SNX19: variants seen among roughly 807,000 people sequenced by gnomAD.
SNX19 encodes sorting nexin-19.
In SNX19, 60 loss-of-function variants were observed where a neutral mutation model predicts 85.2. That is an observed-to-expected ratio of 0.70 (90% CI 0.57 to 0.87). SNX19 has a LOEUF of 0.87. Ranked by LOEUF, SNX19 falls within the 40% of genes least tolerant of loss-of-function variation. The probability of loss-of-function intolerance (pLI) is 0.00; values close to 1 mark genes in which losing one functional copy is unlikely to be tolerated. For missense variants in SNX19, 1,201 were observed against 1,217.8 expected, an observed-to-expected ratio of 0.99 and a Z score of 0.21; for synonymous variants, 520 against 470.0, an observed-to-expected ratio of 1.11 and a Z score of -1.38.
intron 8 of SNX19, among the ~76,000 whole-genome samples, chr11:130,899,436 A>G (rs1034546005): frequency 2.0e-5 from 3 of 152,204 alleles, no homozygotes; most frequent in African/African-American, 7.2e-5. Context: ...CTGTGAAACC[A>G]GCTATAAGGT....
intron 4 of SNX19, among the ~76,000 whole-genome samples, chr11:130,909,355 G>A (rs1030426407): frequency 6.6e-6 from 1 of 152,192 alleles, no homozygotes; most frequent in African/African-American, 2.4e-5. Context: ...GATGAGAAGA[G>A]GGAGGCTACT....
intron 8 of SNX19, among the ~76,000 whole-genome samples, chr11:130,890,923 G>C (rs907893840): frequency 1.5e-5 from 2 of 135,234 alleles, no homozygotes; most frequent in African/African-American, 5.5e-5. Context: ...ATCACTTAAC[G>C]AAGTGCCTAC....
chr11:130,915,508 T>C lies in SNX19; in HGVS notation c.432A>G (p.Arg144=). 1 of 1,614,192 alleles carries C rather than the reference T, an allele frequency of 6.2e-7. No individual in the cohort carries two copies. Among genetic ancestry groups the C allele is most frequent in the Non-Finnish European group, 8.5e-7 (1 of 1,180,034 alleles). Residue 144 remains arginine, a synonymous_variant, in exon 1 of 11, where the codon AGA becomes AGG. Transcript: ENST00000265909. ...AMKGLVQELR[R]RMSVMDSHAV... ...CATGACTGTCCATCACGCTCATCCT[T>C]CTCCGAAGCTCCTGGACCAACCCTT... is the stretch of plus-strand genomic sequence containing the variant.
In SNX19 at chr11:130,911,653, T is replaced by C. The variant is rs1274382733; in HGVS notation, c.1793A>G (p.Asp598Gly). The change falls in exon 2 of 11, where the codon GAT becomes GGT. Residue 598 changes from aspartate to glycine, a missense_variant. Physicochemically the swap from Asp to Gly is moderately conservative, Grantham distance 94. This residue lies in a region of SNX19 where 791 missense variants were observed against 750.9 expected (regional missense o/e 1.05). Transcript: ENST00000265909. ...NLQTRLEEKP[D>G]LRKFIKNVKG... ...CTGACTTTTGATGAACTTTCGTAGA[T>C]CTGGTTTCTCCTCCAGACGGGTCTG... 2.5e-6 allele frequency: 4 copies of C among 1,614,150 alleles called. No homozygotes were observed. The highest frequency in any genetic ancestry group is 3.4e-6 in the Non-Finnish European group (4 of 1,180,016).
chr11:130,911,518 C>G, intron 2 of SNX19, 115 bp downstream of exon 2: 6 of 1,547,278 alleles, frequency 3.9e-6, no homozygotes, highest in Non-Finnish European at 5.2e-6. Flanking sequence ...ATCCAGGGAG[C>G]AGAGAACCTT....
intron 8 of SNX19, among the ~76,000 whole-genome samples, chr11:130,892,343 T>A (rs1653184703): frequency 6.6e-6 from 1 of 151,970 alleles, no homozygotes. Flanking sequence ...TTGAACAAAC[T>A]CTCTGAGCTC....
At chr11:130,880,915 AC>A in intron 8 of SNX19, 109 bp from the exon 9 acceptor site, 3 of 930,488 alleles carry the variant, frequency 3.2e-6, no homozygotes, top group Non-Finnish European at 4.7e-6. Flanking sequence ...CAAAATCCTA[AC>A]CCTCAAGGTG....
At chr11:130,908,794 G>C (rs1223409405) in intron 4 of SNX19, among the ~76,000 whole-genome samples, 2 of 152,168 alleles carry the variant, frequency 1.3e-5, no homozygotes, top group African/African-American at 2.4e-5. Flanking sequence ...TGCTAAAAAG[G>C]ACAATGTACA....
chr11:130,906,508 T>C (rs1252460789), intron 6 of SNX19, 117 bp downstream of exon 6: 2 of 759,522 alleles, frequency 2.6e-6, no homozygotes, highest in Non-Finnish European at 4.5e-6. Flanking sequence ...GATCCAAACG[T>C]TGATTAAGTC....
chr11:130,910,248 G>T (rs1400568706), intron 3 of SNX19, 22 bp downstream of exon 3: 1 of 1,612,892 alleles, frequency 6.2e-7, no homozygotes, highest in South Asian at 1.1e-5. Flanking sequence ...TGAGAACAAG[G>T]CCAAAAGAGA....
Position 130,916,018 on chromosome 11 carries a change from T to C in SNX19, c.-79A>G, listed in dbSNP as rs1236748019. ...AGAGTTAGGGAAGGGGGGCATGAAC[T>C]GTGTCTCAGATATGGGGCGATCTGG... is the stretch of plus-strand genomic sequence containing the variant. On this transcript the variant is annotated 5_prime_UTR_variant, in exon 1 of 11. Transcript: ENST00000265909. 20 of 1,329,878 alleles carry C rather than the reference T, an allele frequency of 1.5e-5. No homozygotes were observed. Among genetic ancestry groups the C allele is most frequent in the Non-Finnish European group, 1.8e-5 (17 of 962,668 alleles). 82.4% of individuals were successfully genotyped at this position (1,329,878 alleles called of 1,614,324 possible). A position where few individuals can be genotyped will look rare whatever the true frequency, so the allele number is the denominator to read the frequency against.
At chr11:130,895,114 G>T (rs1018573682) in intron 8 of SNX19, 1 of 985,396 alleles carries the variant, frequency 1.0e-6, no homozygotes, top group Admixed American at 6.1e-5. Context: ...GGCTCGGTGG[G>T]GCTTCATACT....
At position 130,915,967 on chromosome 11, in the gene SNX19, G is replaced by A. The variant is rs1946560809; in HGVS notation, c.-28C>T. 1.3e-6 allele frequency: 2 copies of A among 1,589,690 alleles called. No individual in the cohort carries two copies. Among genetic ancestry groups the A allele is most frequent in the African/African-American group, 1.3e-5 (1 of 74,358 alleles). ...CTGAACGGACAAGGTGGCTTCCCCAGATGACAGCCCTCAAGATTTTACTTC... is the reference window on the plus strand; with the variant it reads ...CTGAACGGACAAGGTGGCTTCCCCAAATGACAGCCCTCAAGATTTTACTTC... On this transcript the variant is annotated 5_prime_UTR_variant, in exon 1 of 11. Coordinates refer to ENST00000265909, the MANE Select transcript of SNX19 (RefSeq NM_014758.3).
At chr11:130,880,068 G>C (rs1368579686) in intron 9 of SNX19, among the ~76,000 whole-genome samples, 2 of 152,166 alleles carry the variant, frequency 1.3e-5, no homozygotes, top group African/African-American at 2.4e-5. Flanking sequence ...GGTTATCACA[G>C]CCATAGGCAA....
chr11:130,881,974 T>C (rs995079902), intron 8 of SNX19, among the ~76,000 whole-genome samples: 1 of 152,234 alleles, frequency 6.6e-6, no homozygotes, highest in East Asian at 1.9e-4. Flanking sequence ...CTGATAACTG[T>C]TCTTATTTCA....
intron 8 of SNX19, among the ~76,000 whole-genome samples, chr11:130,895,556 G>A (rs564024798): frequency 6.6e-6 from 1 of 152,254 alleles, no homozygotes; most frequent in South Asian, 2.1e-4. Flanking sequence ...CAAAATCTTA[G>A]GTTCCTGTTT....
At position 130,906,040 on chromosome 11, in the gene SNX19, C is replaced by CT; in HGVS notation, c.2355dup (p.Asp786ArgfsTer3). ...CGTCCTTTGGGAGGTTGTTCAGGATCTTTTTCTGGGGCTTTTGTTGGCTGC... is the reference window on the plus strand; with the variant it reads ...CGTCCTTTGGGAGGTTGTTCAGGATCTTTTTTCTGGGGCTTTTGTTGGCTGC... On this transcript the variant is annotated frameshift_variant, in exon 7 of 11. Transcript: ENST00000265909. LOFTEE classifies it high-confidence loss of function. The CT allele has an allele frequency of 6.2e-7, 1 of 1,614,200 alleles. No individual in the cohort carries two copies.
chr11:130,910,281 A>G lies in SNX19; in HGVS notation c.1903T>C (p.Ser635Pro). The G allele has an allele frequency of 1.2e-6, 2 of 1,613,542 alleles. No individual in the cohort carries two copies. Among genetic ancestry groups the G allele is most frequent in the South Asian group, 1.1e-5 (1 of 90,980 alleles). ...AGAAGGATGCTGACCTTTAGGAATGATTCTAGGAGGCTCTTACGGGCTTCT... is the reference window on the plus strand; with the variant it reads ...AGAAGGATGCTGACCTTTAGGAATGGTTCTAGGAGGCTCTTACGGGCTTCT... The part of the protein sequence containing the change: ...RVEARKSLLE[S>P]FLKQLCAIPE... Residue 635 changes from serine (S) to proline (P), a missense_variant, in exon 3 of 11, where the codon TCA (serine) becomes CCA (proline). Physicochemically the swap from Ser to Pro is moderately conservative, Grantham distance 74 (BLOSUM62 -1). Coordinates refer to ENST00000265909, the MANE Select transcript of SNX19 (RefSeq NM_014758.3).
chr11:130,909,637 T>C (rs1172777780), intron 4 of SNX19, among the ~76,000 whole-genome samples: 1 of 152,188 alleles, frequency 6.6e-6, no homozygotes, highest in Non-Finnish European at 1.5e-5. Flanking sequence ...TAGGCTCTCT[T>C]TCCTGGGTGA....
Sources: allele counts gnomAD v4.1 joint callset (sites outside exome capture counted in the v4.1 genomes callset), GRCh38; gene constraint gnomAD v4.1.1; regional missense constraint gnomAD v4.1.1; transcripts MANE v1.5; gene names NCBI Gene and HGNC (gene_info 2026-07-23, HGNC 2026-07-21).